Variants in MACROD2 observed in about 807,000 individuals in gnomAD.
The protein encoded by MACROD2 is mono-ADP ribosylhydrolase 2.
MACROD2 carries 36 observed loss-of-function variants against 70.4 expected under a neutral mutation model. That is an observed-to-expected ratio of 0.51 (90% CI 0.39 to 0.68). MACROD2 has a LOEUF of 0.68. MACROD2 is among the 30% of genes least tolerant of loss of function. MACROD2 has a pLI of 0.00. For synonymous variants in MACROD2, 172 were observed against 178.8 expected (o/e 0.96, Z 0.30); for missense variants, 496 against 538.4 (o/e 0.92, Z 0.78).
At chr20:15,126,327 A>G (rs2076066790) in intron 5 of MACROD2, among the ~76,000 whole-genome samples, 3 of 151,874 alleles carry the variant, frequency 2.0e-5, no homozygotes, top group African/African-American at 7.2e-5. Context: ...GCAAGTTCCA[A>G]TTTGCCCGCA....
At chr20:15,139,933 G>A (rs532977811) in intron 5 of MACROD2, among the ~76,000 whole-genome samples, 103 of 152,256 alleles carry the variant, frequency 6.8e-4, no homozygotes, top group East Asian at 7.7e-4. Flanking sequence ...GATGCAGTTC[G>A]CAACTGAAAA....
At position 15,862,776 on chromosome 20, in the gene MACROD2, A is replaced by C. The variant is rs1169589634; in HGVS notation, c.677A>C (p.Glu226Ala). The C allele has an allele frequency of 1.9e-6, 3 of 1,612,950 alleles. No homozygotes were observed. The South Asian group carries it at 3.3e-5, about 18-fold the overall frequency. The change falls in exon 9 of 18, where the codon GAA becomes GCA. Residue 226 changes from glutamate to alanine, a missense_variant. Physicochemically the swap from Glu to Ala is moderately radical, Grantham distance 107. Coordinates refer to ENST00000684519, the MANE Select transcript of MACROD2 (RefSeq NM_001351661.2). ...CGGATCATTTTCTGTGTCTTCTTAG[A>C]AGTTGACTTCAAAATCTACAAAAAG... ...VDRIIFCVFL[E>A]VDFKIYKKKM... is the part of the protein sequence containing the mutation.
chr20:15,838,569 C>T (rs2064138206), intron 8 of MACROD2, among the ~76,000 whole-genome samples: 1 of 152,106 alleles, frequency 6.6e-6, no homozygotes, highest in African/African-American at 2.4e-5. Flanking sequence ...TGTATTTCAT[C>T]CCCTTAGCTA....
chr20:15,940,548 C>T (rs1338821797), intron 12 of MACROD2, among the ~76,000 whole-genome samples: 1 of 152,196 alleles, frequency 6.6e-6, no homozygotes, highest in Non-Finnish European at 1.5e-5. Context: ...CTACCTCAAC[C>T]TTGAGCAACC....
chr20:14,486,589 G>A (rs1445095375), intron 3 of MACROD2, among the ~76,000 whole-genome samples: 3 of 133,758 alleles, frequency 2.2e-5, no homozygotes, highest in Non-Finnish European at 3.0e-5. Context: ...GCGTGATCTC[G>A]GCCCACCGCA....
At chr20:15,663,496 A>T (rs546156540) in intron 8 of MACROD2, among the ~76,000 whole-genome samples, 2 of 152,046 alleles carry the variant, frequency 1.3e-5, no homozygotes, top group Non-Finnish European at 2.9e-5. Context: ...TCGGCCTCCC[A>T]AAGTACTGGG....
At chr20:15,729,577 G>A (rs951930094) in intron 8 of MACROD2, among the ~76,000 whole-genome samples, 2 of 152,132 alleles carry the variant, frequency 1.3e-5, no homozygotes, top group Non-Finnish European at 2.9e-5. Context: ...CCTGTGTTGA[G>A]TGCATATATA....
chr20:14,256,307 C>T (rs148619836), intron 3 of MACROD2, among the ~76,000 whole-genome samples: 82 of 152,166 alleles, frequency 5.4e-4, no homozygotes, highest in Non-Finnish European at 9.0e-4. Flanking sequence ...AAATTCCTCA[C>T]GCATATTGAT....
rs2072761436 is a variant in MACROD2, at chr20:14,815,321, GAA to G, written c.418+130367_418+130368del. On this transcript the variant is annotated intron_variant, in intron 5 of 17. Coordinates refer to ENST00000684519, the MANE Select transcript of MACROD2 (RefSeq NM_001351661.2). Reference sequence around the variant, plus strand: ...CAGCCAGTAGTGAATCTTTCGGAAAGAAAAAAGTTATCTTAAAAGTAGATGCA... The same window carrying G: ...CAGCCAGTAGTGAATCTTTCGGAAAGAAAAGTTATCTTAAAAGTAGATGCA... Among the ~76,000 whole-genome samples, 4 of 152,006 alleles carry G rather than the reference GAA, an allele frequency of 2.6e-5. No individual in the cohort carries two copies. The South Asian group carries it at 8.3e-4, about 31-fold the overall frequency.
At chr20:15,500,588 C>T (rs1168677486) in intron 8 of MACROD2, among the ~76,000 whole-genome samples, 3 of 152,058 alleles carry the variant, frequency 2.0e-5, no homozygotes, top group African/African-American at 7.2e-5. Flanking sequence ...TGTTTTTCTC[C>T]TCAGTTATTC....
At chr20:13,999,526 A>T (rs1156753000) in intron 1 of MACROD2, among the ~76,000 whole-genome samples, 1 of 152,228 alleles carries the variant, frequency 6.6e-6, no homozygotes, top group African/African-American at 2.4e-5. Flanking sequence ...AGGAAACTAT[A>T]TGAGGCGAAA....
chr20:15,454,275 A>C (rs1205153897), intron 7 of MACROD2, among the ~76,000 whole-genome samples: 3 of 152,114 alleles, frequency 2.0e-5, no homozygotes, highest in African/African-American at 7.2e-5. Flanking sequence ...GTAGGTTATA[A>C]GCATCTTGCT....
chr20:15,197,877 T>G (rs1471272994), intron 5 of MACROD2, among the ~76,000 whole-genome samples: 1 of 151,830 alleles, frequency 6.6e-6, no homozygotes, highest in African/African-American at 2.4e-5. Context: ...TTATATTTTT[T>G]GTAGAGACGG....
At chr20:15,171,606 C>T (rs1445884861) in intron 5 of MACROD2, among the ~76,000 whole-genome samples, 1 of 152,076 alleles carries the variant, frequency 6.6e-6, no homozygotes, top group Non-Finnish European at 1.5e-5. Flanking sequence ...CCCACCATCC[C>T]ACTCAGTCTC....
chr20:14,363,816 C>CAAAAAAAAAAAA (rs569929488), intron 3 of MACROD2, among the ~76,000 whole-genome samples: 8 of 71,562 alleles, frequency 1.1e-4, no homozygotes, highest in African/African-American at 2.5e-4. Flanking sequence ...GACTCTGTCT[C>CAAAAAAAAAAAA]AAAAAAAAAA....
Position 16,029,975 on chromosome 20 carries a change from T to C in MACROD2, c.1154-11226T>C, listed in dbSNP as rs531742761. Among the ~76,000 whole-genome samples the C allele has an allele frequency of 2.0e-5, 3 of 152,306 alleles. No homozygotes were observed. In the East Asian group the frequency reaches 5.8e-4, roughly 29 times the overall value. On this transcript the variant is annotated intron_variant, in intron 15 of 17. Transcript: ENST00000684519. ...GGAGGTGCTAGCAGGCCCCAGGTGA[T>C]GCTTCCTTGAAGAAGGAGCCACCTT...
chr20:15,330,524 G>A (rs1426631170), intron 6 of MACROD2, among the ~76,000 whole-genome samples: 3 of 151,498 alleles, frequency 2.0e-5, no homozygotes, highest in Admixed American at 6.6e-5. Flanking sequence ...AGGGCTGATG[G>A]AAGATTATAA....
intron 5 of MACROD2, among the ~76,000 whole-genome samples, chr20:15,138,772 G>A (rs2076170162): frequency 6.6e-6 from 1 of 152,158 alleles, no homozygotes. Flanking sequence ...TTAATGTGTT[G>A]AGGGCTGTGA....
chr20:15,987,000 C>G (rs1036419853), intron 14 of MACROD2, 66 bp from the exon 15 acceptor site: 2 of 1,362,678 alleles, frequency 1.5e-6, no homozygotes, highest in Admixed American at 4.1e-5. Flanking sequence ...ATACCATAGT[C>G]ACAGTATTCT....
Sources: allele counts gnomAD v4.1 joint callset (sites outside exome capture counted in the v4.1 genomes callset), GRCh38; gene constraint gnomAD v4.1.1; transcripts MANE v1.5; gene names NCBI Gene and HGNC (gene_info 2026-07-23, HGNC 2026-07-21).